The following DLG2 variants were observed in gnomAD, a reference collection of about 807,000 sequenced individuals.
DLG2 encodes the protein discs large MAGUK scaffold protein 2.
DLG2 carries 45 observed loss-of-function variants against 132.5 expected under a neutral mutation model. The ratio of observed to expected loss-of-function variants is 0.34; its 90% CI spans 0.27 to 0.44. The LOEUF (loss-of-function observed/expected upper bound fraction) is 0.44. DLG2 is among the 20% of genes least tolerant of loss of function. DLG2 has a pLI of 1.00. For missense variants in DLG2, 1,045 were observed against 1,196.9 expected, an observed-to-expected ratio of 0.87 and a Z score of 1.87; for synonymous variants, 424 against 419.6, an observed-to-expected ratio of 1.01 and a Z score of -0.13.
chr11:83,833,588 A>G (rs1177700888), intron 17 of DLG2, 26 bp downstream of exon 17: 1 of 1,598,136 alleles, frequency 6.3e-7, no homozygotes. Context: ...ATATGGAGGG[A>G]ATAAAGATTA....
At chr11:84,597,196 G>T (rs756409926) in intron 6 of DLG2, among the ~76,000 whole-genome samples, 4 of 151,848 alleles carry the variant, frequency 2.6e-5, no homozygotes, top group Non-Finnish European at 5.9e-5. Context: ...CTCCAGCCTG[G>T]ATGACAGATC....
At chr11:84,981,145 G>T (rs1416987953) in intron 6 of DLG2, among the ~76,000 whole-genome samples, 1 of 152,082 alleles carries the variant, frequency 6.6e-6, no homozygotes, top group Non-Finnish European at 1.5e-5. Context: ...GTGAGTCATG[G>T]ACTCTATATG....
intron 6 of DLG2, among the ~76,000 whole-genome samples, chr11:84,602,201 GA>G (rs2099577806): frequency 6.6e-6 from 1 of 151,892 alleles, no homozygotes; most frequent in African/African-American, 2.4e-5. Flanking sequence ...TAGAGATGGA[GA>G]AGTAGGGTAG....
At chr11:84,672,952 TA>T (rs1401238942) in intron 6 of DLG2, among the ~76,000 whole-genome samples, 1 of 152,026 alleles carries the variant, frequency 6.6e-6, no homozygotes, top group Non-Finnish European at 1.5e-5. Context: ...ACAGTTATGT[TA>T]CATGGAAAGA....
intron 6 of DLG2, among the ~76,000 whole-genome samples, chr11:84,906,195 T>A (rs960158684): frequency 1.3e-4 from 19 of 151,418 alleles, no homozygotes; most frequent in Non-Finnish European, 2.5e-4. Context: ...CTTTTTTTTT[T>A]ATCTTTATCT....
intron 7 of DLG2, among the ~76,000 whole-genome samples, chr11:84,399,404 GAT>G (rs1365160951): frequency 6.6e-6 from 1 of 152,066 alleles, no homozygotes; most frequent in Non-Finnish European, 1.5e-5. Flanking sequence ...TAGGAGCCAT[GAT>G]GGCACTAAAA....
At chr11:84,816,292 T>C (rs970027658) in intron 6 of DLG2, among the ~76,000 whole-genome samples, 10 of 152,014 alleles carry the variant, frequency 6.6e-5, no homozygotes, top group African/African-American at 2.2e-4. Context: ...CATTTTATTA[T>C]TCCTGTCTCC....
intron 6 of DLG2, among the ~76,000 whole-genome samples, chr11:84,861,874 A>G (rs998528504): frequency 6.6e-6 from 1 of 152,020 alleles, no homozygotes; most frequent in Non-Finnish European, 1.5e-5. Context: ...CATCGAGTTC[A>G]TGTCCTTTGT....
intron 6 of DLG2, among the ~76,000 whole-genome samples, chr11:84,873,239 T>C (rs2156517): frequency 0.39 from 58,906 of 151,966 alleles, 12,611 homozygotes; most frequent in Non-Finnish European, 0.49. Flanking sequence ...GAAGATGTGA[T>C]GACAGAAGCA....
intron 18 of DLG2, among the ~76,000 whole-genome samples, chr11:83,683,913 T>A (rs143582123): frequency 1.7e-3 from 262 of 152,230 alleles, no homozygotes; most frequent in African/African-American, 5.9e-3. Context: ...TGTGCTGGGC[T>A]GCTGGCCCAG....
At chr11:83,713,044 G>A (rs1592933443) in intron 18 of DLG2, among the ~76,000 whole-genome samples, 1 of 151,814 alleles carries the variant, frequency 6.6e-6, no homozygotes, top group African/African-American at 2.4e-5. Context: ...TGCAAACTGA[G>A]AATATACAAA....
chr11:83,487,784 TTTC>T (rs1163066878), intron 21 of DLG2, among the ~76,000 whole-genome samples: 2 of 152,048 alleles, frequency 1.3e-5, no homozygotes, highest in African/African-American at 2.4e-5. Context: ...TTCTTCAATT[TTTC>T]TTTTTATGAT....
chr11:84,557,263 T>G (rs1392375628), intron 6 of DLG2, among the ~76,000 whole-genome samples: 1 of 152,180 alleles, frequency 6.6e-6, no homozygotes, highest in Non-Finnish European at 1.5e-5. Context: ...TGAAAGGTCT[T>G]AGAAGCAAAA....
chr11:84,655,633 CT>C (rs1346608536), intron 6 of DLG2, among the ~76,000 whole-genome samples: 2 of 151,984 alleles, frequency 1.3e-5, no homozygotes, highest in Non-Finnish European at 2.9e-5. Flanking sequence ...TGACTCTTGG[CT>C]TTGTCTTGTC....
In DLG2 at chr11:85,195,523, G is replaced by GTT. The variant is rs34574453; in HGVS notation, c.187-40874_187-40873dup. ...AATTATTTTCTCTGAAAGTGACAGT[G>GTT]TTTTTTTTTTTTTTTTTTGAGACGG... is the stretch of plus-strand genomic sequence containing the variant. On this transcript the variant is annotated intron_variant, in intron 4 of 27. Transcript: ENST00000376104. Among the ~76,000 whole-genome samples, 359 of 133,684 alleles carry GTT rather than the reference G, an allele frequency of 2.7e-3. 6 individuals carry two copies. Among genetic ancestry groups the GTT allele is most frequent in the African/African-American group, 4.0e-3 (148 of 36,588 alleles). The allele number at this position is 133,684 out of a possible 152,430, so 87.7% of individuals were successfully genotyped here. A position where few individuals can be genotyped will look rare whatever the true frequency, so the allele number is the denominator to read the frequency against.
At chr11:84,665,283 G>A (rs762133314) in intron 6 of DLG2, among the ~76,000 whole-genome samples, 30 of 152,070 alleles carry the variant, frequency 2.0e-4, no homozygotes, top group Non-Finnish European at 2.4e-4. Flanking sequence ...TGCTATATAT[G>A]TGTTAAATTA....
intron 3 of DLG2, among the ~76,000 whole-genome samples, chr11:85,481,721 C>T (rs2093295956): frequency 6.6e-6 from 1 of 151,928 alleles, no homozygotes; most frequent in Non-Finnish European, 1.5e-5. Context: ...CAGGCTAGCC[C>T]TCACAGCCAC....
At chr11:84,781,172 C>A (rs1410693133) in intron 6 of DLG2, among the ~76,000 whole-genome samples, 2 of 151,582 alleles carry the variant, frequency 1.3e-5, no homozygotes, top group African/African-American at 2.4e-5. Flanking sequence ...AACAAGGTAT[C>A]TTTTGAATGT....
intron 7 of DLG2, among the ~76,000 whole-genome samples, chr11:84,331,704 G>A (rs1047970036): frequency 3.3e-5 from 5 of 151,928 alleles, no homozygotes; most frequent in Admixed American, 1.3e-4. Context: ...TCGGGGTGGA[G>A]TTTTTCACCA....
Sources: allele counts gnomAD v4.1 joint callset (sites outside exome capture counted in the v4.1 genomes callset), GRCh38; gene constraint gnomAD v4.1.1; transcripts MANE v1.5; gene names NCBI Gene and HGNC (gene_info 2026-07-23, HGNC 2026-07-21).